HDAC9: variants seen among roughly 807,000 people sequenced by gnomAD.
HDAC9 encodes the protein MEF-2 interacting transcription repressor (MITR) protein.
A neutral mutation model predicts 139.4 loss-of-function variants in HDAC9; 41 were observed. The ratio of observed to expected loss-of-function variants is 0.29; its 90% confidence interval spans 0.23 to 0.38. The LOEUF (loss-of-function observed/expected upper bound fraction) is 0.38. Ranked by LOEUF, HDAC9 falls within the 10% of genes least tolerant of loss-of-function variation. The pLI, the probability that HDAC9 is intolerant of heterozygous loss-of-function variation, is 1.00. For synonymous variants in HDAC9, 517 were observed against 476.2 expected (o/e 1.09, Z -1.12); for missense variants, 1,147 against 1,297.0 (o/e 0.88, Z 1.78).
chr7:18,242,680 A>C (rs1044043358), intron 2 of HDAC9, among the ~76,000 whole-genome samples: 5 of 152,160 alleles, frequency 3.3e-5, no homozygotes, highest in African/African-American at 4.8e-5. Flanking sequence ...ATTGTGTGCT[A>C]ATCATAGCTT....
At chr7:18,297,673 C>G (rs1383384027) in intron 1 of HDAC9, among the ~76,000 whole-genome samples, 1 of 152,086 alleles carries the variant, frequency 6.6e-6, no homozygotes, top group African/African-American at 2.4e-5. Flanking sequence ...TAAGACTTGG[C>G]ACAGTTTTTA....
At chr7:18,188,474 G>T (rs1790082807) in intron 2 of HDAC9, among the ~76,000 whole-genome samples, 1 of 152,148 alleles carries the variant, frequency 6.6e-6, no homozygotes, top group South Asian at 2.1e-4. Flanking sequence ...AAAAGCAATT[G>T]CAACAAAAGC....
At chr7:18,721,078 G>A (rs893756115) in intron 12 of HDAC9, among the ~76,000 whole-genome samples, 4 of 151,942 alleles carry the variant, frequency 2.6e-5, no homozygotes, top group African/African-American at 9.7e-5. Flanking sequence ...TCTGTATGTG[G>A]AAGGTTAGTT....
chr7:18,968,063 G>A (rs765730457), intron 24 of HDAC9, among the ~76,000 whole-genome samples: 22 of 152,100 alleles, frequency 1.4e-4, no homozygotes, highest in Non-Finnish European at 2.8e-4. Context: ...TCGGGAGGCC[G>A]AGGCAAGAGA....
intron 2 of HDAC9, among the ~76,000 whole-genome samples, chr7:18,170,841 T>C (rs1421296667): frequency 6.6e-6 from 1 of 152,222 alleles, no homozygotes; most frequent in African/African-American, 2.4e-5. Context: ...CTGTTTTGGT[T>C]ACTGTTGGCT....
upstream of HDAC9, among the ~76,000 whole-genome samples, chr7:18,495,480 G>T (rs1402414987): frequency 1.3e-5 from 2 of 152,074 alleles, no homozygotes; most frequent in Admixed American, 6.6e-5. Context: ...TGTAAAGCAA[G>T]CTTCGAGAGA....
chr7:18,188,995 A>G (rs1481816525), intron 2 of HDAC9, among the ~76,000 whole-genome samples: 1 of 152,226 alleles, frequency 6.6e-6, no homozygotes, highest in African/African-American at 2.4e-5. Context: ...ATTACTGGGT[A>G]TATGCCCAAA....
chr7:18,132,386 C>T (rs1785072021), intron 1 of HDAC9, among the ~76,000 whole-genome samples: 1 of 152,024 alleles, frequency 6.6e-6, no homozygotes, highest in East Asian at 1.9e-4. Flanking sequence ...TGATTGAAGT[C>T]TTTTTTTCTT....
At chr7:18,588,188 A>T (rs1341049403) in intron 3 of HDAC9, among the ~76,000 whole-genome samples, 1 of 152,198 alleles carries the variant, frequency 6.6e-6, no homozygotes, top group Non-Finnish European at 1.5e-5. Context: ...AGTGACTCTG[A>T]TGCCATTCCA....
chr7:18,264,712 CTGT>C (rs1295703450), intron 2 of HDAC9, among the ~76,000 whole-genome samples: 1 of 152,172 alleles, frequency 6.6e-6, no homozygotes. Flanking sequence ...TGCATACCTG[CTGT>C]TTGGATTTTC....
At chr7:18,584,485 C>G (rs1563377211) in intron 2 of HDAC9, among the ~76,000 whole-genome samples, 1 of 152,140 alleles carries the variant, frequency 6.6e-6, no homozygotes, top group African/African-American at 2.4e-5. Context: ...TATCTATTAT[C>G]TAATTTAATT....
chr7:18,614,707 A>T (rs1013724404), intron 6 of HDAC9, among the ~76,000 whole-genome samples: 1 of 152,124 alleles, frequency 6.6e-6, no homozygotes, highest in Admixed American at 6.6e-5. Context: ...CATTTTTTCT[A>T]CCCATCATAA....
intron 7 of HDAC9, among the ~76,000 whole-genome samples, chr7:18,632,861 A>G (rs1782763826): frequency 6.6e-6 from 1 of 152,064 alleles, no homozygotes; most frequent in Admixed American, 6.6e-5. Flanking sequence ...ATCACATTAA[A>G]AGGGCCTAGT....
chr7:18,896,428 A>G (rs1334259960), intron 22 of HDAC9, among the ~76,000 whole-genome samples: 1 of 152,054 alleles, frequency 6.6e-6, no homozygotes, highest in Non-Finnish European at 1.5e-5. Context: ...GTAGAAACTT[A>G]TCTTCATTAA....
At chr7:18,492,996 G>A (rs1796479037), upstream of HDAC9, among the ~76,000 whole-genome samples, 1 of 151,880 alleles carries the variant, frequency 6.6e-6, no homozygotes, top group African/African-American at 2.4e-5. Flanking sequence ...AGAATGCAGG[G>A]ATGAAACGTA....
intron 2 of HDAC9, among the ~76,000 whole-genome samples, chr7:18,240,797 C>T (rs906183240): frequency 1.3e-5 from 2 of 152,188 alleles, no homozygotes; most frequent in African/African-American, 4.8e-5. Flanking sequence ...CATTCTACTC[C>T]ACACTGGCCT....
intron 2 of HDAC9, among the ~76,000 whole-genome samples, chr7:18,516,273 G>T (rs1213504553): frequency 6.6e-6 from 1 of 152,106 alleles, no homozygotes; most frequent in Non-Finnish European, 1.5e-5. Context: ...AAATTTAAAA[G>T]ACCTTTAAGA....
intron 22 of HDAC9, among the ~76,000 whole-genome samples, chr7:18,900,237 C>G (rs1200667254): frequency 3.9e-5 from 6 of 152,252 alleles, no homozygotes; most frequent in Admixed American, 1.3e-4. Context: ...CCTATGCATA[C>G]TATCATTATT....
At chr7:18,905,999 CTCT>C (rs968367225) in intron 22 of HDAC9, among the ~76,000 whole-genome samples, 3 of 150,136 alleles carry the variant, frequency 2.0e-5, no homozygotes, top group African/African-American at 7.4e-5. Context: ...TTCTCTCTCT[CTCT>C]TTATTTTTTC....
Sources: gnomAD v4.1 joint callset for allele counts (sites outside exome capture counted in the v4.1 genomes callset) on GRCh38, gnomAD v4.1.1 for gene constraint, MANE v1.5 for transcripts, NCBI Gene and HGNC (gene_info 2026-07-23, HGNC 2026-07-21) for gene names.